SPAG16: variants seen among roughly 807,000 people sequenced by gnomAD.
SPAG16 encodes sperm-associated antigen 16 protein.
SPAG16 carries 86 observed loss-of-function variants against 80.4 expected under a neutral mutation model. The ratio of observed to expected loss-of-function variants is 1.07; its 90% CI spans 0.90 to 1.28. SPAG16 has a LOEUF of 1.28. Among genes scored for constraint, SPAG16 ranks in the 50% most tolerant of loss-of-function variants. The pLI is 0.00. For synonymous variants in SPAG16, 294 were observed against 265.9 expected (o/e 1.11, Z -1.03); for missense variants, 870 against 765.3 (o/e 1.14, Z -1.61).
At chr2:213,455,700 A>G (rs113324508) in intron 9 of SPAG16, among the ~76,000 whole-genome samples, 3,103 of 152,264 alleles carry the variant, frequency 0.02, 44 homozygotes, top group Middle Eastern at 0.051. Flanking sequence ...ACAGTTCACA[A>G]TAGGGTTTGC....
chr2:213,858,041 G>A (rs1361677846), intron 10 of SPAG16, among the ~76,000 whole-genome samples: 1 of 152,178 alleles, frequency 6.6e-6, no homozygotes, highest in Non-Finnish European at 1.5e-5. Flanking sequence ...TGGATAAAGA[G>A]TTGCTTCTTA....
At chr2:214,181,900 G>A (rs924786404) in intron 15 of SPAG16, among the ~76,000 whole-genome samples, 2 of 151,736 alleles carry the variant, frequency 1.3e-5, no homozygotes, top group African/African-American at 2.4e-5. Context: ...TGCTTTTCTA[G>A]ATGGCCTCTA....
intron 15 of SPAG16, among the ~76,000 whole-genome samples, chr2:214,293,543 G>T (rs985943220): frequency 9.2e-5 from 14 of 152,208 alleles, no homozygotes; most frequent in African/African-American, 3.1e-4. Flanking sequence ...CAGGCACTAC[G>T]TATGATAGGC....
intron 14 of SPAG16, among the ~76,000 whole-genome samples, chr2:214,122,308 G>A (rs1341516607): frequency 6.6e-6 from 1 of 151,770 alleles, no homozygotes; most frequent in Non-Finnish European, 1.5e-5. Context: ...ATCTGGATAT[G>A]TTATACAATA....
At chr2:213,765,401 A>G (rs1386269004) in intron 10 of SPAG16, among the ~76,000 whole-genome samples, 2 of 152,104 alleles carry the variant, frequency 1.3e-5, no homozygotes, top group East Asian at 3.9e-4. Context: ...AAAAGATTAA[A>G]ACAGAAATTT....
At chr2:213,285,973 A>G (rs2062042433) in intron 1 of SPAG16, 1 of 1,187,786 alleles carries the variant, frequency 8.4e-7, no homozygotes, top group Non-Finnish European at 1.1e-6. Context: ...GTGAACACAT[A>G]GTTTAATTGT....
intron 6 of SPAG16, among the ~76,000 whole-genome samples, chr2:213,345,738 A>G (rs1464892806): frequency 2.7e-5 from 4 of 150,082 alleles, no homozygotes; most frequent in Non-Finnish European, 4.4e-5. Flanking sequence ...CCATTGGTCT[A>G]TATCTCTGTT....
chr2:214,310,832 C>A (rs937339114), intron 15 of SPAG16, among the ~76,000 whole-genome samples: 16 of 152,168 alleles, frequency 1.1e-4, no homozygotes, highest in Admixed American at 1.0e-3. Context: ...TTCAGCAGAA[C>A]CTCTTCCCCC....
At chr2:214,137,106 A>G (rs568487273) in intron 14 of SPAG16, among the ~76,000 whole-genome samples, 7 of 152,312 alleles carry the variant, frequency 4.6e-5, no homozygotes, top group Admixed American at 1.3e-4. Flanking sequence ...CTGATGATAA[A>G]AATTAATGTA....
chr2:214,405,608 C>CTTG (rs1487633320), intron 15 of SPAG16, among the ~76,000 whole-genome samples: 8 of 152,214 alleles, frequency 5.3e-5, no homozygotes, highest in Non-Finnish European at 8.8e-5. Context: ...CCAGCAGGGC[C>CTTG]AACATGGTGA....
chr2:213,352,320 C>A (rs993413517), intron 7 of SPAG16, among the ~76,000 whole-genome samples: 1 of 151,980 alleles, frequency 6.6e-6, no homozygotes, highest in Non-Finnish European at 1.5e-5. Flanking sequence ...GAATTTCATA[C>A]CCTTGCTTCT....
rs192363007 is a variant in SPAG16, at chr2:213,775,102, C to T, written c.1071-87383C>T. On this transcript the variant is annotated intron_variant, in intron 10 of 15. Coordinates refer to ENST00000331683, the MANE Select transcript of SPAG16 (RefSeq NM_024532.5). ...ATTTTCTTCTAGCCGGCATTTATGA[C>T]GACTTGCTCCTTTTCCTGCTGCTCT... Among the ~76,000 whole-genome samples the T allele has an allele frequency of 2.4e-3, 370 of 152,282 alleles. 1 individual carries two copies. Among genetic ancestry groups the T allele is most frequent in the Non-Finnish European group, 3.5e-3 (239 of 68,004 alleles).
At chr2:213,287,031 A>G (rs2062080746) in intron 1 of SPAG16, among the ~76,000 whole-genome samples, 1 of 152,218 alleles carries the variant, frequency 6.6e-6, no homozygotes, top group Non-Finnish European at 1.5e-5. Context: ...TAAGGAACCC[A>G]GAATATCATT....
At chr2:213,938,750 T>C (rs2079087478) in intron 12 of SPAG16, among the ~76,000 whole-genome samples, 1 of 152,038 alleles carries the variant, frequency 6.6e-6, no homozygotes, top group South Asian at 2.1e-4. Context: ...AACTGGTTAC[T>C]AAATATAAAA....
intron 15 of SPAG16, among the ~76,000 whole-genome samples, chr2:214,291,202 G>T (rs1291948505): frequency 1.4e-5 from 2 of 144,914 alleles, no homozygotes; most frequent in African/African-American, 5.1e-5. Flanking sequence ...GTTTCCTTTT[G>T]TTTGGAATAT....
chr2:213,730,610 T>A (rs2066987882), intron 10 of SPAG16, among the ~76,000 whole-genome samples: 1 of 152,248 alleles, frequency 6.6e-6, no homozygotes, highest in African/African-American at 2.4e-5. Context: ...CTATGGGTTC[T>A]TTCAAATATT....
intron 15 of SPAG16, among the ~76,000 whole-genome samples, chr2:214,304,945 T>A (rs1036411738): frequency 1.3e-5 from 2 of 152,184 alleles, no homozygotes; most frequent in African/African-American, 4.8e-5. Context: ...CTTTGAGGAA[T>A]CACCACACTG....
chr2:213,688,703 A>C (rs1237271569), intron 10 of SPAG16, among the ~76,000 whole-genome samples: 1 of 152,090 alleles, frequency 6.6e-6, no homozygotes, highest in Non-Finnish European at 1.5e-5. Flanking sequence ...ATATTAGTTC[A>C]CTTTAAGTAT....
At chr2:214,214,048 T>A (rs573473381) in intron 15 of SPAG16, among the ~76,000 whole-genome samples, 4 of 152,190 alleles carry the variant, frequency 2.6e-5, no homozygotes, top group Non-Finnish European at 5.9e-5. Context: ...ATTCCCACTA[T>A]TCCATCGCAT....
Sources: gnomAD v4.1 joint callset for allele counts (sites outside exome capture counted in the v4.1 genomes callset) on GRCh38, gnomAD v4.1.1 for gene constraint, MANE v1.5 for transcripts, NCBI Gene and HGNC (gene_info 2026-07-23, HGNC 2026-07-21) for gene names.